SYT1: variants seen among roughly 807,000 people sequenced by gnomAD.
SYT1 encodes the protein synaptotagmin 1.
SYT1 carries 8 observed loss-of-function variants against 44.8 expected under a neutral mutation model. The ratio of observed to expected loss-of-function variants is 0.18; its 90% CI spans 0.10 to 0.32. The LOEUF (loss-of-function observed/expected upper bound fraction) is 0.32, where lower values mean the gene tolerates loss of function less well. Ranked by LOEUF, SYT1 falls within the 10% of genes least tolerant of loss-of-function variation. The pLI is 1.00. For synonymous variants in SYT1, 154 were observed against 188.8 expected (o/e 0.82, Z 1.51); for missense variants, 286 against 509.3 (o/e 0.56, Z 4.22).
At chr12:79,386,173 C>T (rs1407320872) in intron 9 of SYT1, among the ~76,000 whole-genome samples, 2 of 152,204 alleles carry the variant, frequency 1.3e-5, no homozygotes, top group Non-Finnish European at 2.9e-5. Context: ...AAAGGTACCA[C>T]ATCCTTCTCC....
chr12:79,336,992 T>C (rs1487052352), intron 8 of SYT1, among the ~76,000 whole-genome samples: 1 of 152,000 alleles, frequency 6.6e-6, no homozygotes, highest in Non-Finnish European at 1.5e-5. Flanking sequence ...CTCCTTTAAA[T>C]AGCTCTTCTC....
At chr12:79,372,818 T>A (rs1654458162) in intron 9 of SYT1, among the ~76,000 whole-genome samples, 1 of 152,136 alleles carries the variant, frequency 6.6e-6, no homozygotes, top group South Asian at 2.1e-4. Context: ...CCTCTCTTCT[T>A]ATCTCTAGCT....
intron 3 of SYT1, among the ~76,000 whole-genome samples, chr12:79,142,025 G>T (rs1267394152): frequency 6.6e-6 from 1 of 152,182 alleles, no homozygotes; most frequent in Non-Finnish European, 1.5e-5. Flanking sequence ...TGAGTAGCTT[G>T]TTGTGTAAGG....
rs375587364 is a variant in SYT1, at chr12:79,450,354, A to AGT, written c.*1232_*1233dup. On this transcript the variant is annotated 3_prime_UTR_variant, in exon 11 of 11. Transcript: ENST00000261205. ...TTCAATTAAGCCAAAACAGACAGCT[A>AGT]GTGATCTTTTTATATGCTCTTTTTA... The AGT allele has an allele frequency of 4.6e-5, 7 of 152,754 alleles. No individual in the cohort carries two copies. Among genetic ancestry groups the AGT allele is most frequent in the African/African-American group, 1.7e-4 (7 of 41,568 alleles). The allele number at this position is 152,754 out of a possible 1,614,324, so 9.5% of individuals were successfully genotyped here. A position where few individuals can be genotyped will look rare whatever the true frequency, so the allele number is the denominator to read the frequency against.
At chr12:79,023,209 T>G (rs1484629163) in intron 2 of SYT1, among the ~76,000 whole-genome samples, 1 of 151,858 alleles carries the variant, frequency 6.6e-6, no homozygotes, top group Non-Finnish European at 1.5e-5. Context: ...CAATGCTGCT[T>G]CTACCTGAAT....
intron 1 of SYT1, among the ~76,000 whole-genome samples, chr12:78,947,629 A>G (rs757248768): frequency 1.3e-5 from 2 of 152,138 alleles, no homozygotes; most frequent in Non-Finnish European, 2.9e-5. Flanking sequence ...CTCAGTGCCT[A>G]CAGAATACAG....
intron 2 of SYT1, among the ~76,000 whole-genome samples, chr12:79,042,837 A>T (rs1009536218): frequency 6.6e-6 from 1 of 151,518 alleles, no homozygotes; most frequent in East Asian, 1.9e-4. Context: ...CTTTGTTCTC[A>T]TTGGTTTCAA....
chr12:79,287,233 C>T (rs938649285), intron 5 of SYT1, among the ~76,000 whole-genome samples: 2 of 152,162 alleles, frequency 1.3e-5, no homozygotes, highest in Admixed American at 6.6e-5. Flanking sequence ...TGCCTGTACT[C>T]ATACTCAGAG....
chr12:79,294,409 G>C (rs1004549237), intron 6 of SYT1, among the ~76,000 whole-genome samples: 3 of 152,030 alleles, frequency 2.0e-5, no homozygotes, highest in African/African-American at 7.2e-5. Context: ...GGAAGTTAAA[G>C]TCTGAAAAAC....
At chr12:79,057,717 A>G (rs546718299) in intron 3 of SYT1, among the ~76,000 whole-genome samples, 50 of 152,088 alleles carry the variant, frequency 3.3e-4, no homozygotes, top group Non-Finnish European at 5.0e-4. Context: ...AGGGGTGTCC[A>G]AGGGAGAGAG....
chr12:78,962,201 C>T (rs75481326), intron 1 of SYT1, among the ~76,000 whole-genome samples: 4,648 of 152,114 alleles, frequency 0.031, 215 homozygotes, highest in African/African-American at 0.1. Flanking sequence ...CTCAATGAGG[C>T]TGGGTATATA....
chr12:79,069,441 C>A (rs1022385813), intron 3 of SYT1, among the ~76,000 whole-genome samples: 3 of 151,888 alleles, frequency 2.0e-5, no homozygotes, highest in African/African-American at 7.3e-5. Flanking sequence ...TTTTTCAGAA[C>A]ATATGTTCTT....
chr12:79,216,209 G>A lies in SYT1; in HGVS notation c.-17-1294G>A, dbSNP rs189712424. Among the ~76,000 whole-genome samples the A allele has an allele frequency of 2.0e-3, 297 of 152,156 alleles. 2 individuals are homozygous for A. Among genetic ancestry groups the A allele is most frequent in the Non-Finnish European group, 3.5e-3 (241 of 68,002 alleles). ...GCCTCCCAAAGTGCTGGGATTACAG[G>A]AGTGGGCCACCACGCCCAGACTAAA... On this transcript the variant is annotated intron_variant, in intron 3 of 10. Coordinates refer to ENST00000261205, the MANE Select transcript of SYT1 (RefSeq NM_005639.3).
At chr12:79,296,610 G>A (rs775565230) in intron 7 of SYT1, among the ~76,000 whole-genome samples, 1 of 152,178 alleles carries the variant, frequency 6.6e-6, no homozygotes, top group Non-Finnish European at 1.5e-5. Context: ...AGTAAGCTGT[G>A]TCCCAATGCT....
intron 4 of SYT1, among the ~76,000 whole-genome samples, chr12:79,258,192 A>G (rs1180653977): frequency 1.3e-5 from 2 of 152,246 alleles, no homozygotes; most frequent in African/African-American, 2.4e-5. Context: ...ACATTTAAGA[A>G]TACTAAGGAA....
chr12:78,881,912 CAG>C (rs2137057029), intron 1 of SYT1, among the ~76,000 whole-genome samples: 1 of 151,856 alleles, frequency 6.6e-6, no homozygotes, highest in African/African-American at 2.4e-5. Flanking sequence ...CTGCTTAAAT[CAG>C]AGAGGATACT....
At chr12:79,440,195 G>GT (rs1330769334) in intron 9 of SYT1, among the ~76,000 whole-genome samples, 2 of 152,180 alleles carry the variant, frequency 1.3e-5, no homozygotes, top group African/African-American at 2.4e-5. Context: ...TCCAGCCTGG[G>GT]TGAAAGAGCG....
chr12:79,399,508 G>C (rs1016640563), intron 9 of SYT1, among the ~76,000 whole-genome samples: 7 of 152,010 alleles, frequency 4.6e-5, no homozygotes, highest in Non-Finnish European at 7.4e-5. Context: ...TTTGTTTATA[G>C]TCGGAACAGT....
At chr12:78,896,293 A>T (rs1030895842) in intron 1 of SYT1, among the ~76,000 whole-genome samples, 1 of 151,804 alleles carries the variant, frequency 6.6e-6, no homozygotes, top group Non-Finnish European at 1.5e-5. Flanking sequence ...TACAGGAATC[A>T]CAAGAAAAAC....
Sources: gnomAD v4.1 joint callset for allele counts (sites outside exome capture counted in the v4.1 genomes callset) on GRCh38, gnomAD v4.1.1 for gene constraint, MANE v1.5 for transcripts, NCBI Gene and HGNC (gene_info 2026-07-23, HGNC 2026-07-21) for gene names.